The following PTPRG variants were observed in gnomAD, a reference collection of about 807,000 sequenced individuals.
The protein encoded by PTPRG is protein tyrosine phosphatase receptor type G.
PTPRG carries 102 observed loss-of-function variants against 165.3 expected under a neutral mutation model. The ratio of observed to expected loss-of-function variants is 0.62; its 90% CI spans 0.53 to 0.73. The LOEUF is 0.73. PTPRG is among the 30% of genes least tolerant of loss of function. The pLI is 0.00. For missense variants in PTPRG, 1,866 were observed against 1,861.4 expected (o/e 1.00, Z -0.05); for synonymous variants, 675 against 669.5 (o/e 1.01, Z -0.13).
chr3:62,083,622 T>C (rs1035928733), intron 5 of PTPRG, among the ~76,000 whole-genome samples: 7 of 152,354 alleles, frequency 4.6e-5, no homozygotes, highest in South Asian at 2.1e-4. Flanking sequence ...AACAATTTCA[T>C]TGGTTTCTTT....
At chr3:61,894,146 A>G (rs567470013) in intron 2 of PTPRG, among the ~76,000 whole-genome samples, 2 of 152,106 alleles carry the variant, frequency 1.3e-5, no homozygotes, top group Non-Finnish European at 2.9e-5. Context: ...TCTACTAAAA[A>G]TGCAAAAATC....
At chr3:61,860,500 G>T (rs1303387394) in intron 2 of PTPRG, among the ~76,000 whole-genome samples, 1 of 138,686 alleles carries the variant, frequency 7.2e-6, no homozygotes, top group Admixed American at 7.9e-5. Flanking sequence ...GAGTGCACTG[G>T]CACAATCTTG....
intron 4 of PTPRG, among the ~76,000 whole-genome samples, chr3:62,021,307 C>G (rs910835005): frequency 6.6e-6 from 1 of 152,042 alleles, no homozygotes; most frequent in African/African-American, 2.4e-5. Flanking sequence ...GATCATATAT[C>G]TGGGATAAAC....
At chr3:62,046,145 A>G (rs979009901) in intron 4 of PTPRG, among the ~76,000 whole-genome samples, 1 of 152,180 alleles carries the variant, frequency 6.6e-6, no homozygotes, top group Admixed American at 6.5e-5. Context: ...TCTCCCCACT[A>G]TACATCTTCC....
chr3:62,218,925 G>T lies in PTPRG; in HGVS notation c.2230G>T (p.Val744Leu). The T allele has an allele frequency of 6.2e-7, 1 of 1,614,134 alleles. No individual in the cohort carries two copies. Among genetic ancestry groups the T allele is most frequent in the Non-Finnish European group, 8.5e-7 (1 of 1,180,010 alleles). The change falls in exon 13 of 30, where the codon GTA becomes TTA. Residue 744 changes from valine to leucine, a missense_variant. Coordinates refer to ENST00000474889, the MANE Select transcript of PTPRG (RefSeq NM_002841.4). ...GGAGTGGATCATCCCTCTGATTGTG[G>T]TATCAGCCTTGACCTTCGTGTGCCT... Reference protein sequence around the residue: ...RMEWIIPLIVVSALTFVCLIL... With the variant: ...RMEWIIPLIVLSALTFVCLIL...
chr3:61,947,881 G>T (rs186537141), intron 2 of PTPRG, among the ~76,000 whole-genome samples: 1 of 152,166 alleles, frequency 6.6e-6, no homozygotes, highest in African/African-American at 2.4e-5. Flanking sequence ...TTTCAGAGGA[G>T]GCCCTGACCA....
At chr3:62,277,701 T>C (rs2148882525) in intron 26 of PTPRG, 22 bp downstream of exon 26, 2 of 1,610,690 alleles carry the variant, frequency 1.2e-6, no homozygotes, top group Non-Finnish European at 1.7e-6. Context: ...ACATCTGCTA[T>C]ATATTAATGA....
chr3:61,728,587 A>T (rs2032357043), intron 1 of PTPRG, among the ~76,000 whole-genome samples: 1 of 152,182 alleles, frequency 6.6e-6, no homozygotes, highest in Non-Finnish European at 1.5e-5. Flanking sequence ...TGTCTCAAAA[A>T]AAACAAGTTA....
At chr3:61,967,865 A>G (rs756826700) in intron 2 of PTPRG, among the ~76,000 whole-genome samples, 1 of 152,250 alleles carries the variant, frequency 6.6e-6, no homozygotes, top group Non-Finnish European at 1.5e-5. Context: ...GTTTGTGAAT[A>G]TGTATTTGTG....
At chr3:61,877,689 A>T (rs552909213) in intron 2 of PTPRG, among the ~76,000 whole-genome samples, 1 of 152,242 alleles carries the variant, frequency 6.6e-6, no homozygotes, top group South Asian at 2.1e-4. Flanking sequence ...TTATGATGCA[A>T]TGAGACTGAA....
intron 28 of PTPRG, among the ~76,000 whole-genome samples, chr3:62,284,505 A>C (rs754549708): frequency 6.6e-6 from 1 of 152,174 alleles, no homozygotes; most frequent in Non-Finnish European, 1.5e-5. Flanking sequence ...TTTATCTACT[A>C]TCTGTAGGGG....
intron 1 of PTPRG, among the ~76,000 whole-genome samples, chr3:61,573,159 T>G (rs150700718): frequency 6.6e-6 from 1 of 152,336 alleles, no homozygotes; most frequent in Non-Finnish European, 1.5e-5. Flanking sequence ...CTTGTTCAGT[T>G]AAGACAAAAG....
At chr3:62,209,219 G>C (rs1700301461) in intron 12 of PTPRG, among the ~76,000 whole-genome samples, 1 of 152,198 alleles carries the variant, frequency 6.6e-6, no homozygotes, top group Non-Finnish European at 1.5e-5. Context: ...ATTTTTAGTT[G>C]TCATAACTGG....
intron 4 of PTPRG, among the ~76,000 whole-genome samples, chr3:62,066,603 A>C (rs148108564): frequency 1.2e-3 from 184 of 152,294 alleles, no homozygotes; most frequent in African/African-American, 4.0e-3. Context: ...ACTGTGTCCA[A>C]GGCGTTAAGC....
intron 1 of PTPRG, among the ~76,000 whole-genome samples, chr3:61,564,938 C>T (rs1699870253): frequency 6.6e-6 from 1 of 152,264 alleles, no homozygotes; most frequent in South Asian, 2.1e-4. Context: ...ACCCCTACTT[C>T]TTGCCTGCTA....
rs1430611579 is a variant in PTPRG at position 61,669,147 on chromosome 3, AC to A, written c.86-79730del. Among the ~76,000 whole-genome samples the A allele has an allele frequency of 4.6e-5, 7 of 152,146 alleles. No homozygotes were observed. The East Asian group carries it at 1.3e-3, about 29-fold the overall frequency. ...TGCTCTCTAGGATTGGTTATTTTAA[AC>A]TTTGATTTTTGCTTGAGAGTGGACT... On this transcript the variant is annotated intron_variant, in intron 1 of 29. Transcript: ENST00000474889.
At chr3:62,059,524 T>C (rs1158709107) in intron 4 of PTPRG, among the ~76,000 whole-genome samples, 1 of 152,172 alleles carries the variant, frequency 6.6e-6, no homozygotes, top group Non-Finnish European at 1.5e-5. Flanking sequence ...AGAATGAGCT[T>C]AAAAACCAAC....
intron 19 of PTPRG, among the ~76,000 whole-genome samples, chr3:62,268,446 T>G (rs1248653057): frequency 6.6e-6 from 1 of 152,112 alleles, no homozygotes; most frequent in Non-Finnish European, 1.5e-5. Context: ...TGATTCCCTA[T>G]GTAACAAACC....
intron 1 of PTPRG, among the ~76,000 whole-genome samples, chr3:61,629,579 T>A (rs539885250): frequency 1.3e-5 from 2 of 152,334 alleles, no homozygotes; most frequent in Admixed American, 1.3e-4. Context: ...TGCTTTGTTT[T>A]AACATCAAAG....
Sources: gnomAD v4.1 joint callset for allele counts (sites outside exome capture counted in the v4.1 genomes callset) on GRCh38, gnomAD v4.1.1 for gene constraint, MANE v1.5 for transcripts, NCBI Gene and HGNC (gene_info 2026-07-23, HGNC 2026-07-21) for gene names.